HERC6: variants seen among roughly 807,000 people sequenced by gnomAD.
The protein encoded by HERC6 is probable E3 ubiquitin-protein ligase HERC6.
Under a neutral mutation model 114.5 loss-of-function variants are expected in HERC6, and 101 were observed. The ratio of observed to expected loss-of-function variants is 0.88; its 90% CI spans 0.75 to 1.04. HERC6 has a LOEUF of 1.04. Among genes scored for constraint, HERC6 ranks in the 50% least tolerant of loss-of-function variants. HERC6 has a pLI of 0.00. For missense variants in HERC6, 1,133 were observed against 1,230.9 expected (o/e 0.92, Z 1.19); for synonymous variants, 408 against 436.2 (o/e 0.94, Z 0.81).
chr4:88,405,100 AT>A, intron 9 of HERC6, 103 bp downstream of exon 9: 1 of 1,407,080 alleles, frequency 7.1e-7, no homozygotes, highest in Non-Finnish European at 9.6e-7. Flanking sequence ...AGGTATTTGC[AT>A]TTTGACCATG....
chr4:88,408,204 T>C (rs545554631), intron 10 of HERC6, among the ~76,000 whole-genome samples: 35 of 152,216 alleles, frequency 2.3e-4, no homozygotes, highest in Admixed American at 1.2e-3. Context: ...GGGTAGGTAG[T>C]TCTAGTTCTT....
intron 4 of HERC6, among the ~76,000 whole-genome samples, chr4:88,391,727 A>G (rs955785485): frequency 1.4e-4 from 21 of 152,152 alleles, no homozygotes; most frequent in Non-Finnish European, 2.6e-4. Context: ...AGGCAAAAGA[A>G]AACTTCTCTA....
intron 16 of HERC6, among the ~76,000 whole-genome samples, chr4:88,430,899 A>G (rs910592246): frequency 6.6e-6 from 1 of 152,184 alleles, no homozygotes; most frequent in African/African-American, 2.4e-5. Context: ...GTAACTGGTG[A>G]ATGCTAAGTC....
At chr4:88,384,857 TA>T (rs1734496465) in intron 2 of HERC6, among the ~76,000 whole-genome samples, 1 of 151,806 alleles carries the variant, frequency 6.6e-6, no homozygotes, top group Non-Finnish European at 1.5e-5. Context: ...TCGTCTATAC[TA>T]AAAATACAAA....
rs868084565 is a variant in HERC6, at chr4:88,379,711, T to C, written c.199+591T>C. Among the ~76,000 whole-genome samples the C allele has an allele frequency of 7.9e-4, 84 of 106,284 alleles. 2 individuals are homozygous for C. In the Middle Eastern group the frequency reaches 0.021, roughly 27 times the overall value. The allele number at this position is 106,284 out of a possible 152,430, so 69.7% of individuals were successfully genotyped here. A position where few individuals can be genotyped will look rare whatever the true frequency, so the allele number is the denominator to read the frequency against. On this transcript the variant is annotated intron_variant, in intron 1 of 22. Transcript: ENST00000264346. ...AAATATATAATATATAAATATATAA[T>C]ATATAAATATATATAATATATAAAT...
rs762270365 is a variant in HERC6 at position 88,440,048 on chromosome 4, G to A, written c.2730G>A (p.Gln910=). 1 of 1,610,658 alleles carries A rather than the reference G, an allele frequency of 6.2e-7. No individual in the cohort carries two copies. The highest frequency in any genetic ancestry group is 8.5e-7 in the Non-Finnish European group (1 of 1,178,966). ...IIGNTDYDWK[Q]FEQNSKYEQG... Reference sequence around the variant, plus strand: ...GAAATACTGATTATGACTGGAAACAGTTTGAACAGGTAGGTGATACCTAAA... The same window carrying A: ...GAAATACTGATTATGACTGGAAACAATTTGAACAGGTAGGTGATACCTAAA... Residue 910 remains glutamine, a synonymous_variant, in exon 21 of 23, where the codon CAG becomes CAA. Transcript: ENST00000264346.
chr4:88,379,846 AATAT>A (rs1161770497), intron 1 of HERC6, among the ~76,000 whole-genome samples: 1 of 70,056 alleles, frequency 1.4e-5, no homozygotes, highest in Non-Finnish European at 2.5e-5. Context: ...ATAATATATA[AATAT>A]ATATATAGCA....
chr4:88,407,131 G>A (rs907864623), intron 10 of HERC6, among the ~76,000 whole-genome samples: 9 of 152,070 alleles, frequency 5.9e-5, no homozygotes, highest in South Asian at 4.2e-4. Flanking sequence ...AGGCTTGAGC[G>A]CTGTGGCGTG....
rs375681649 is a variant in HERC6, at chr4:88,413,091, C to G, written c.1383C>G (p.Leu461=). Residue 461 remains leucine, a synonymous_variant, in exon 12 of 23, where the codon CTC becomes CTG. Transcript: ENST00000264346. The part of the protein sequence containing the change: ...EWISSMITTC[L]EDDLLRALPC... ...TTTTACCACAGATAACTACGTGTCT[C>G]GAGGATGATCTGCTCAGAGCTCTTC... The G allele has an allele frequency of 1.9e-6, 3 of 1,607,836 alleles. No homozygotes were observed. The South Asian group carries it at 3.3e-5, about 18-fold the overall frequency.
At chr4:88,420,514 CA>C (rs1362620436) in intron 13 of HERC6, among the ~76,000 whole-genome samples, 1 of 152,124 alleles carries the variant, frequency 6.6e-6, no homozygotes, top group Non-Finnish European at 1.5e-5. Context: ...TTTAGTTCTG[CA>C]GTTTCTTACA....
rs1239583273 is a variant in HERC6 at position 88,390,743 on chromosome 4, G to T, written c.528G>T (p.Arg176Ser). 1.2e-6 allele frequency: 2 copies of T among 1,614,098 alleles called. No homozygotes were observed. Among genetic ancestry groups the T allele is most frequent in the Non-Finnish European group, 1.7e-6 (2 of 1,180,054 alleles). The change falls in exon 4 of 23, where the codon AGG becomes AGT. Residue 176 changes from arginine to serine, a missense_variant. Coordinates refer to ENST00000264346, the MANE Select transcript of HERC6 (RefSeq NM_017912.4). ...FPSQASPQRV[R>S]SLEGIPLAQV... ...CCCAAGCCAGCCCGCAGAGGGTGAG[G>T]TCCCTGGAGGGGATCCCACTGGCTC...
chr4:88,413,486 A>G (rs1193347133), intron 12 of HERC6, among the ~76,000 whole-genome samples: 5 of 152,168 alleles, frequency 3.3e-5, no homozygotes, highest in Non-Finnish European at 5.9e-5. Flanking sequence ...TTGACATCAG[A>G]GTTTGGTAGC....
intron 20 of HERC6, 32 bp from the exon 21 acceptor site, chr4:88,439,842 C>CTTTTTTTTT (rs537714979): frequency 3.2e-5 from 32 of 999,956 alleles, no homozygotes; most frequent in East Asian, 1.3e-4. Flanking sequence ...TCCTTCCTTT[C>CTTTTTTTTT]TTTTTTTTTT....
chr4:88,396,260 C>T, intron 6 of HERC6, 118 bp downstream of exon 6: 1 of 773,508 alleles, frequency 1.3e-6, no homozygotes, highest in Non-Finnish European at 1.8e-6. Flanking sequence ...TGAAAATTTA[C>T]TTATTTCAAA....
intron 11 of HERC6, among the ~76,000 whole-genome samples, chr4:88,410,503 C>A (rs1199564974): frequency 6.6e-6 from 1 of 152,026 alleles, no homozygotes; most frequent in Non-Finnish European, 1.5e-5. Context: ...CCTTTCACAG[C>A]AAAAAGGGCA....
At chr4:88,437,325 A>C (rs995878870) in intron 19 of HERC6, among the ~76,000 whole-genome samples, 1 of 152,016 alleles carries the variant, frequency 6.6e-6, no homozygotes, top group African/African-American at 2.4e-5. Context: ...CCAAAGTGCT[A>C]GGATTACAGG....
chr4:88,378,883 C>T lies in HERC6; in HGVS notation c.-39C>T, dbSNP rs778689256. ...GTTCGGGAGCCTGTCGCAGCGGGAC[C>T]GACGGAATCCGGAGCAGGCGACAGG... On this transcript the variant is annotated 5_prime_UTR_variant, in exon 1 of 23. Transcript: ENST00000264346. 2.0e-6 allele frequency: 3 copies of T among 1,524,054 alleles called. No individual in the cohort carries two copies. The highest frequency in any genetic ancestry group is 2.8e-5 in the African/African-American group (2 of 72,434). The allele number at this position is 1,524,054 out of a possible 1,614,324, so 94.4% of individuals were successfully genotyped here. A position where few individuals can be genotyped will look rare whatever the true frequency, so the allele number is the denominator to read the frequency against.
At chr4:88,400,851 C>A (rs1735497268) in intron 8 of HERC6, among the ~76,000 whole-genome samples, 7 of 151,954 alleles carry the variant, frequency 4.6e-5, no homozygotes, top group Admixed American at 4.6e-4. Context: ...TATGGATGAA[C>A]AGGAAAAAAC....
rs1435375409 is a variant in HERC6, at chr4:88,440,103, A to G, written c.2740-45A>G. ...CCCAATTTTTCCGAACAACTTCTAT[A>G]TATTCCACCCCACTCAAATCATTTT... On this transcript the variant is annotated intron_variant, in intron 21 of 22. Transcript: ENST00000264346. 2.5e-6 allele frequency: 4 copies of G among 1,603,984 alleles called. No homozygotes were observed. In the Admixed American group the frequency reaches 5.1e-5, roughly 20 times the overall value.
Sources: gnomAD v4.1 joint callset for allele counts (sites outside exome capture counted in the v4.1 genomes callset) on GRCh38, gnomAD v4.1.1 for gene constraint, MANE v1.5 for transcripts, NCBI Gene and HGNC (gene_info 2026-07-23, HGNC 2026-07-21) for gene names.